GALNT13: variants seen among roughly 807,000 people sequenced by gnomAD.
The protein encoded by GALNT13 is UDP-GalNAc:polypeptide N-acetylgalactosaminyltransferase 13.
GALNT13 carries 28 observed loss-of-function variants against 64.2 expected under a neutral mutation model. That is an observed-to-expected ratio of 0.44 (90% CI 0.32 to 0.60). GALNT13 has a LOEUF of 0.60. Ranked by LOEUF, GALNT13 falls within the 20% of genes least tolerant of loss-of-function variation. The pLI is 0.05. For missense variants in GALNT13, 577 were observed against 669.8 expected (o/e 0.86, Z 1.53); for synonymous variants, 214 against 224.6 (o/e 0.95, Z 0.42).
At chr2:154,455,698 C>T (rs1015813982), downstream of GALNT13, among the ~76,000 whole-genome samples, 1 of 152,144 alleles carries the variant, frequency 6.6e-6, no homozygotes, top group Non-Finnish European at 1.5e-5. Flanking sequence ...TGAGCACCAG[C>T]AATGTGTTTT....
chr2:153,387,490 C>T, the GALNT13 span, among the ~76,000 whole-genome samples: 2 of 151,976 alleles, frequency 1.3e-5, no homozygotes, highest in East Asian at 1.9e-4. Flanking sequence ...CTAACTTTGT[C>T]GTAAAGGAGT....
intron 8 of GALNT13, among the ~76,000 whole-genome samples, chr2:154,289,365 A>G (rs965045337): frequency 1.3e-5 from 2 of 152,198 alleles, no homozygotes; most frequent in African/African-American, 4.8e-5. Flanking sequence ...ATAAAGAAAT[A>G]CCCGAGACTA....
At chr2:153,686,450 C>G in the GALNT13 span, among the ~76,000 whole-genome samples, 1 of 151,142 alleles carries the variant, frequency 6.6e-6, no homozygotes, top group Non-Finnish European at 1.5e-5. Flanking sequence ...CTCAACTTGA[C>G]TGTTGTCAAG....
chr2:153,749,789 T>G, the GALNT13 span, among the ~76,000 whole-genome samples: 1 of 151,996 alleles, frequency 6.6e-6, no homozygotes, highest in African/African-American at 2.4e-5. Context: ...AAGGATAATT[T>G]GACTTTGTCC....
At chr2:153,582,824 C>T in the GALNT13 span, among the ~76,000 whole-genome samples, 1 of 152,114 alleles carries the variant, frequency 6.6e-6, no homozygotes. Flanking sequence ...TGGGATGCCT[C>T]TAGCTTTTTA....
At chr2:154,426,319 C>G (rs1321385624) in intron 11 of GALNT13, among the ~76,000 whole-genome samples, 1 of 152,214 alleles carries the variant, frequency 6.6e-6, no homozygotes, top group Non-Finnish European at 1.5e-5. Context: ...TTCAGGCCAG[C>G]AGGAGAGTCC....
At chr2:154,432,126 A>G (rs1183001237) in intron 11 of GALNT13, among the ~76,000 whole-genome samples, 1 of 152,234 alleles carries the variant, frequency 6.6e-6, no homozygotes, top group African/African-American at 2.4e-5. Flanking sequence ...AGAAGCAGAA[A>G]TCATTACGAC....
At chr2:153,654,273 A>G in the GALNT13 span, among the ~76,000 whole-genome samples, 1 of 152,174 alleles carries the variant, frequency 6.6e-6, no homozygotes, top group Admixed American at 6.6e-5. Flanking sequence ...AAATAGTCTT[A>G]TAAGACATAC....
At chr2:153,771,220 G>A in the GALNT13 span, among the ~76,000 whole-genome samples, 2 of 152,196 alleles carry the variant, frequency 1.3e-5, no homozygotes, top group South Asian at 2.1e-4. Flanking sequence ...TGGTTGGGGG[G>A]CAGATGTGTC....
At chr2:154,221,431 T>C (rs1299964969) in intron 4 of GALNT13, among the ~76,000 whole-genome samples, 1 of 152,094 alleles carries the variant, frequency 6.6e-6, no homozygotes, top group Non-Finnish European at 1.5e-5. Flanking sequence ...ATTACATTGT[T>C]TTGTTTTGCA....
the GALNT13 span, among the ~76,000 whole-genome samples, chr2:153,431,158 A>AC: frequency 3.3e-5 from 5 of 151,982 alleles, no homozygotes; most frequent in South Asian, 2.1e-4. Flanking sequence ...AAAAAAAAAA[A>AC]AAAACAAAAA....
chr2:154,445,978 T>C (rs1701551015), intron 12 of GALNT13: 1 of 436,022 alleles, frequency 2.3e-6, no homozygotes, highest in Non-Finnish European at 4.3e-6. Flanking sequence ...AATCTTTTTC[T>C]TTTTCCTCCC....
chr2:154,319,710 T>A (rs1574081309), intron 9 of GALNT13, among the ~76,000 whole-genome samples: 1 of 151,970 alleles, frequency 6.6e-6, no homozygotes, highest in East Asian at 1.9e-4. Context: ...CCATTTTAAC[T>A]GAAATGTTGC....
At chr2:153,656,465 G>C in the GALNT13 span, among the ~76,000 whole-genome samples, 2 of 152,024 alleles carry the variant, frequency 1.3e-5, no homozygotes, top group African/African-American at 4.8e-5. Flanking sequence ...CCTGAGAATA[G>C]AGACTATTTC....
the GALNT13 span, among the ~76,000 whole-genome samples, chr2:153,489,720 G>T: frequency 6.6e-6 from 1 of 152,102 alleles, no homozygotes; most frequent in Non-Finnish European, 1.5e-5. Context: ...GGCATAATAG[G>T]TAAGATCAGG....
At chr2:153,634,520 A>G in the GALNT13 span, among the ~76,000 whole-genome samples, 4 of 136,970 alleles carry the variant, frequency 2.9e-5, no homozygotes, top group Non-Finnish European at 4.8e-5. Context: ...CTAACTTTTG[A>G]TGATTGAAAA....
the GALNT13 span, among the ~76,000 whole-genome samples, chr2:153,268,780 A>G: frequency 6.6e-6 from 1 of 152,232 alleles, no homozygotes; most frequent in African/African-American, 2.4e-5. Context: ...GTGCACCTGC[A>G]GGCCCAACAA....
intron 9 of GALNT13, among the ~76,000 whole-genome samples, chr2:154,324,342 A>AATT (rs1191669224): frequency 2.0e-5 from 3 of 152,026 alleles, no homozygotes; most frequent in African/African-American, 4.8e-5. Context: ...ATTACATGCA[A>AATT]AGGGTATAAT....
At chr2:154,294,293 A>G (rs11678883) in intron 8 of GALNT13, among the ~76,000 whole-genome samples, 23,695 of 152,274 alleles carry the variant, frequency 0.16, 2,376 homozygotes, top group East Asian at 0.31. Flanking sequence ...ACAAATATCA[A>G]TGCTTGCAGC....
Sources: gnomAD v4.1 joint callset for allele counts (sites outside exome capture counted in the v4.1 genomes callset) on GRCh38, gnomAD v4.1.1 for gene constraint, MANE v1.5 for transcripts, NCBI Gene and HGNC (gene_info 2026-07-23, HGNC 2026-07-21) for gene names.